Variants in PCBP3 observed in about 807,000 individuals in gnomAD.
The protein encoded by PCBP3 is poly(rC) binding protein 3.
A neutral mutation model predicts 52.7 loss-of-function variants in PCBP3; 25 were observed. That is an observed-to-expected ratio of 0.47 (90% CI 0.35 to 0.66). The LOEUF (loss-of-function observed/expected upper bound fraction) is 0.66. Ranked by LOEUF, PCBP3 falls within the 30% of genes least tolerant of loss-of-function variation. PCBP3 has a pLI of 0.01. For missense variants in PCBP3, 391 were observed against 490.3 expected (o/e 0.80, Z 1.91); for synonymous variants, 162 against 183.0 (o/e 0.89, Z 0.93).
intron 5 of PCBP3, among the ~76,000 whole-genome samples, chr21:45,869,857 A>G (rs1456990620): frequency 6.6e-6 from 1 of 152,222 alleles, no homozygotes; most frequent in Non-Finnish European, 1.5e-5. Context: ...GGCAGGGCCC[A>G]CCAAGGTGCT....
chr21:45,774,388 CAAAAAAAAA>C (rs902926846), intron 4 of PCBP3, among the ~76,000 whole-genome samples: 2 of 108,798 alleles, frequency 1.8e-5, no homozygotes, highest in African/African-American at 3.4e-5. Context: ...GACTCCATCT[CAAAAAAAAA>C]AAAAAGAAAA....
At chr21:45,658,815 GA>G (rs1457541456) in intron 1 of PCBP3, among the ~76,000 whole-genome samples, 1 of 151,812 alleles carries the variant, frequency 6.6e-6, no homozygotes, top group Non-Finnish European at 1.5e-5. Context: ...TTCCTTGTGG[GA>G]AATTTTTAAA....
At chr21:45,769,059 G>C (rs757362587) in intron 4 of PCBP3, among the ~76,000 whole-genome samples, 1 of 152,242 alleles carries the variant, frequency 6.6e-6, no homozygotes, top group Non-Finnish European at 1.5e-5. Flanking sequence ...GGCTTTGTGT[G>C]GCACTGGCTA....
intron 17 of PCBP3, among the ~76,000 whole-genome samples, chr21:45,941,311 C>T (rs2077445458): frequency 6.6e-6 from 1 of 152,194 alleles, no homozygotes. Flanking sequence ...CTCTTACCCA[C>T]ATACACTTAC....
intron 2 of PCBP3, among the ~76,000 whole-genome samples, chr21:45,723,640 AT>A (rs1214724775): frequency 1.3e-5 from 2 of 152,218 alleles, no homozygotes; most frequent in Non-Finnish European, 2.9e-5. Context: ...TGAAAGTGAA[AT>A]GAAAAGTACA....
At chr21:45,767,652 T>C (rs2089474264) in intron 4 of PCBP3, among the ~76,000 whole-genome samples, 1 of 152,230 alleles carries the variant, frequency 6.6e-6, no homozygotes, top group South Asian at 2.1e-4. Flanking sequence ...GGTGGCACTT[T>C]TTTATCCCCA....
At chr21:45,738,634 T>G (rs2086077066) in intron 3 of PCBP3, among the ~76,000 whole-genome samples, 1 of 152,192 alleles carries the variant, frequency 6.6e-6, no homozygotes, top group South Asian at 2.1e-4. Context: ...AATTCACCTA[T>G]GCTTAGCCTT....
At chr21:45,912,031 G>GA (rs1164621625) in intron 11 of PCBP3, among the ~76,000 whole-genome samples, 3 of 152,202 alleles carry the variant, frequency 2.0e-5, no homozygotes, top group Non-Finnish European at 4.4e-5. Flanking sequence ...TTCTAGGAGG[G>GA]ACATCCCTAA....
chr21:45,931,929 C>G (rs1232650141), intron 15 of PCBP3, among the ~76,000 whole-genome samples: 1 of 150,492 alleles, frequency 6.6e-6, no homozygotes, highest in Non-Finnish European at 1.5e-5. Context: ...GCCATGCTGT[C>G]CTGAGATGAA....
rs570020782 is a variant in PCBP3 at position 45,685,002 on chromosome 21, G to A, written c.-200+16050G>A. On this transcript the variant is annotated intron_variant, in intron 2 of 17. Coordinates refer to ENST00000681687, the MANE Select transcript of PCBP3 (RefSeq NM_001384156.1). The stretch of plus-strand genomic sequence containing the variant: ...CACTCTGCTACAGAAAACCATCAAT[G>A]TATATCCCTGTGACTGTCTACCATA... Among the ~76,000 whole-genome samples the A allele has an allele frequency of 1.5e-3, 234 of 152,244 alleles. 3 individuals are homozygous for A. In the Middle Eastern group the frequency reaches 0.02, roughly 13 times the overall value.
intron 4 of PCBP3, among the ~76,000 whole-genome samples, chr21:45,841,580 C>T (rs2093700609): frequency 6.6e-6 from 1 of 152,088 alleles, no homozygotes; most frequent in South Asian, 2.1e-4. Context: ...CTATGAGTTT[C>T]GTTTTCTTTG....
At chr21:45,891,332 C>T (rs1053128584) in intron 5 of PCBP3, among the ~76,000 whole-genome samples, 2 of 152,218 alleles carry the variant, frequency 1.3e-5, no homozygotes, top group Non-Finnish European at 2.9e-5. Context: ...GTGTATCCCG[C>T]CTTGCATACA....
intron 4 of PCBP3, among the ~76,000 whole-genome samples, chr21:45,824,850 G>A (rs1182780242): frequency 6.6e-6 from 1 of 152,258 alleles, no homozygotes; most frequent in African/African-American, 2.4e-5. Context: ...AGGAAAGCTG[G>A]CAGGACATGG....
chr21:45,927,953 C>T (rs1478052457), intron 13 of PCBP3, among the ~76,000 whole-genome samples: 1 of 152,188 alleles, frequency 6.6e-6, no homozygotes, highest in Non-Finnish European at 1.5e-5. Context: ...CGGGGGTTTG[C>T]GGATCCCATC....
At chr21:45,690,603 A>C (rs3945438) in intron 2 of PCBP3, among the ~76,000 whole-genome samples, 80,831 of 151,852 alleles carry the variant, frequency 0.53, 22,056 homozygotes, top group East Asian at 0.82. Flanking sequence ...TATACAAAGA[A>C]CTTTTGCAGC....
chr21:45,789,232 A>G (rs1034205614), intron 4 of PCBP3, among the ~76,000 whole-genome samples: 1 of 152,246 alleles, frequency 6.6e-6, no homozygotes, highest in Non-Finnish European at 1.5e-5. Flanking sequence ...ATGTTTGTGC[A>G]TACATAGTGT....
intron 2 of PCBP3, among the ~76,000 whole-genome samples, chr21:45,672,052 G>C (rs936635876): frequency 1.3e-5 from 2 of 152,142 alleles, no homozygotes; most frequent in South Asian, 4.1e-4. Context: ...GATCTTGAGG[G>C]CTGTTCCCTT....
At chr21:45,719,060 C>T (rs371291900) in intron 2 of PCBP3, among the ~76,000 whole-genome samples, 83 of 152,170 alleles carry the variant, frequency 5.5e-4, no homozygotes, top group African/African-American at 1.8e-3. Context: ...GCTAATGGGA[C>T]GGGAGGTCAG....
intron 4 of PCBP3, among the ~76,000 whole-genome samples, chr21:45,820,076 C>T (rs1027990553): frequency 1.3e-5 from 2 of 152,276 alleles, no homozygotes; most frequent in African/African-American, 2.4e-5. Context: ...ACTGGGTCTC[C>T]GTTTCAGCCA....
Sources: allele counts gnomAD v4.1 joint callset (sites outside exome capture counted in the v4.1 genomes callset), GRCh38; gene constraint gnomAD v4.1.1; transcripts MANE v1.5; gene names NCBI Gene and HGNC (gene_info 2026-07-23, HGNC 2026-07-21).